The following SORCS2 variants were observed in gnomAD, a reference collection of about 807,000 sequenced individuals.
SORCS2 encodes the protein sortilin related VPS10 domain containing receptor 2, also known as VPS10 domain-containing receptor SorCS2.
Under a neutral mutation model 141.6 loss-of-function variants are expected in SORCS2, and 100 were observed. That is an observed-to-expected ratio of 0.71 (90% CI 0.60 to 0.83). The LOEUF (loss-of-function observed/expected upper bound fraction) is 0.83. Among genes scored for constraint, SORCS2 ranks in the 40% least tolerant of loss-of-function variants. The pLI is 0.00. For missense variants in SORCS2, 1,646 were observed against 1,560.2 expected (o/e 1.05, Z -0.93); for synonymous variants, 789 against 676.9 (o/e 1.17, Z -2.57).
At chr4:7,482,617 A>C (rs371201054) in intron 2 of SORCS2, among the ~76,000 whole-genome samples, 1 of 66,674 alleles carries the variant, frequency 1.5e-5, no homozygotes, top group Non-Finnish European at 2.7e-5. Flanking sequence ...CTGTATCCCC[A>C]CTGCGGACAC....
intron 5 of SORCS2, 28 bp from the exon 6 acceptor site, chr4:7,661,472 G>A (rs1178005427): frequency 5.8e-6 from 9 of 1,550,816 alleles, no homozygotes; most frequent in East Asian, 4.9e-5. Flanking sequence ...CTCCATTCCC[G>A]ACCCCAGCCT....
intron 1 of SORCS2, among the ~76,000 whole-genome samples, chr4:7,197,750 A>AGAT (rs1266155008): frequency 1.3e-5 from 2 of 152,220 alleles, no homozygotes; most frequent in Non-Finnish European, 2.9e-5. Flanking sequence ...GATGGACCCC[A>AGAT]GATGTGAGGC....
intron 1 of SORCS2, among the ~76,000 whole-genome samples, chr4:7,204,878 A>G (rs1271641984): frequency 6.6e-6 from 1 of 152,196 alleles, no homozygotes; most frequent in East Asian, 1.9e-4. Context: ...CCATTCCCGG[A>G]GGCATTGCTC....
At chr4:7,434,181 G>A in intron 2 of SORCS2, 2 of 1,613,900 alleles carry the variant, frequency 1.2e-6, no homozygotes, top group Non-Finnish European at 1.7e-6. Flanking sequence ...GGTCAGCAGG[G>A]ACAAAAAACT....
At chr4:7,467,124 G>A (rs763381926) in intron 2 of SORCS2, among the ~76,000 whole-genome samples, 125 of 152,232 alleles carry the variant, frequency 8.2e-4, no homozygotes, top group Non-Finnish European at 1.5e-3. Context: ...CCCCCCAGGC[G>A]TTTGGCAGCT....
At chr4:7,574,675 A>T (rs892348457) in intron 3 of SORCS2, among the ~76,000 whole-genome samples, 18 of 152,062 alleles carry the variant, frequency 1.2e-4, no homozygotes, top group African/African-American at 4.3e-4. Flanking sequence ...CTGAGTATTT[A>T]CTGAGGAATC....
intron 1 of SORCS2, among the ~76,000 whole-genome samples, chr4:7,255,465 C>G (rs111555083): frequency 6.6e-6 from 1 of 151,954 alleles, no homozygotes; most frequent in Non-Finnish European, 1.5e-5. Flanking sequence ...TGGGAGATGG[C>G]GTTGGAGAGA....
At chr4:7,429,666 C>T (rs370337849) in intron 2 of SORCS2, among the ~76,000 whole-genome samples, 78 of 152,168 alleles carry the variant, frequency 5.1e-4, no homozygotes, top group Admixed American at 7.8e-4. Context: ...GCGGAGGACC[C>T]GGGGAGGTGG....
At chr4:7,717,921 CTG>C in intron 17 of SORCS2, 89 bp from the exon 18 acceptor site, 1 of 1,367,514 alleles carries the variant, frequency 7.3e-7, no homozygotes, top group Non-Finnish European at 9.7e-7. Context: ...AGTGCCACCT[CTG>C]GGTGGCAAGC....
At chr4:7,557,792 C>T (rs970890944) in intron 3 of SORCS2, among the ~76,000 whole-genome samples, 1 of 152,280 alleles carries the variant, frequency 6.6e-6, no homozygotes, top group Non-Finnish European at 1.5e-5. Flanking sequence ...GATGTGATGC[C>T]TTCCTTGGGG....
chr4:7,311,133 G>A (rs550718079), intron 1 of SORCS2, among the ~76,000 whole-genome samples: 1 of 152,008 alleles, frequency 6.6e-6, no homozygotes, highest in African/African-American at 2.4e-5. Flanking sequence ...TCTCCTTCCC[G>A]CCACTATAGA....
intron 2 of SORCS2, among the ~76,000 whole-genome samples, chr4:7,500,264 G>A (rs1490314699): frequency 6.6e-6 from 1 of 152,088 alleles, no homozygotes; most frequent in Non-Finnish European, 1.5e-5. Flanking sequence ...ACGCCTGGAG[G>A]AGCCCCGAGC....
intron 3 of SORCS2, among the ~76,000 whole-genome samples, chr4:7,540,197 TGCCCCTC>T (rs1182337613): frequency 1.3e-4 from 11 of 86,794 alleles, no homozygotes; most frequent in African/African-American, 4.7e-4. Context: ...TGCCCCTCCC[TGCCCCTC>T]CCTGCCCCTG....
intron 2 of SORCS2, among the ~76,000 whole-genome samples, chr4:7,447,842 A>G (rs1415453915): frequency 1.3e-5 from 2 of 152,194 alleles, no homozygotes; most frequent in Non-Finnish European, 2.9e-5. Context: ...AGCATTCTGC[A>G]TGTGCGTTTT....
intron 9 of SORCS2, 94 bp downstream of exon 9, chr4:7,676,323 G>A (rs1249079046): frequency 7.4e-7 from 1 of 1,357,724 alleles, no homozygotes; most frequent in Admixed American, 2.0e-5. Flanking sequence ...CCTCCCGCCT[G>A]TCTATATAGC....
intron 3 of SORCS2, among the ~76,000 whole-genome samples, chr4:7,546,050 AG>A (rs1713237674): frequency 6.6e-6 from 1 of 151,916 alleles, no homozygotes; most frequent in South Asian, 2.1e-4. Context: ...TCTCATCACA[AG>A]GGCTCCACCC....
At chr4:7,287,810 C>T (rs192543263) in intron 1 of SORCS2, among the ~76,000 whole-genome samples, 177 of 152,286 alleles carry the variant, frequency 1.2e-3, no homozygotes, top group Non-Finnish European at 2.1e-4. Flanking sequence ...TGCAGTGCCA[C>T]GGACAGACTT....
chr4:7,242,358 A>G (rs902946415), intron 1 of SORCS2, among the ~76,000 whole-genome samples: 5 of 151,656 alleles, frequency 3.3e-5, no homozygotes, highest in African/African-American at 1.2e-4. Context: ...CCACGCCTGG[A>G]TGATTTTTTT....
intron 1 of SORCS2, among the ~76,000 whole-genome samples, chr4:7,268,481 C>G (rs999513585): frequency 2.0e-5 from 3 of 152,176 alleles, no homozygotes; most frequent in African/African-American, 7.2e-5. Context: ...GAAGCTGTGC[C>G]GATGGCCACC....
Sources: gnomAD v4.1 joint callset for allele counts (sites outside exome capture counted in the v4.1 genomes callset) on GRCh38, gnomAD v4.1.1 for gene constraint, MANE v1.5 for transcripts, NCBI Gene and HGNC (gene_info 2026-07-23, HGNC 2026-07-21) for gene names.